Variants in PDZRN3 observed in about 807,000 individuals in gnomAD.
PDZRN3 encodes the protein PDZ domain containing ring finger 3, also known as E3 ubiquitin-protein ligase PDZRN3.
Under a neutral mutation model 85.7 loss-of-function variants are expected in PDZRN3, and 38 were observed. That is an observed-to-expected ratio of 0.44 (90% confidence interval 0.34 to 0.58). The LOEUF (loss-of-function observed/expected upper bound fraction) is 0.58, where lower values mean the gene tolerates loss of function less well. PDZRN3 is among the 20% of genes least tolerant of loss of function. PDZRN3 has a pLI of 0.01. For missense variants in PDZRN3, 1,629 were observed against 1,506.4 expected, an observed-to-expected ratio of 1.08 and a Z score of -1.35; for synonymous variants, 759 against 638.0, an observed-to-expected ratio of 1.19 and a Z score of -2.86.
chr3:73,574,848 C>T (rs537637545), intron 3 of PDZRN3, among the ~76,000 whole-genome samples: 4 of 152,308 alleles, frequency 2.6e-5, no homozygotes, highest in South Asian at 2.1e-4. Flanking sequence ...AGCCCCTTTC[C>T]GTCTCTGGCA....
chr3:73,442,983 C>CT (rs1232430712), intron 3 of PDZRN3, among the ~76,000 whole-genome samples: 1 of 152,184 alleles, frequency 6.6e-6, no homozygotes, highest in African/African-American at 2.4e-5. Flanking sequence ...CCCTCCCTCC[C>CT]TTTCTTCCTC....
At chr3:73,592,542 G>A (rs1254867656) in intron 3 of PDZRN3, among the ~76,000 whole-genome samples, 1 of 152,100 alleles carries the variant, frequency 6.6e-6, no homozygotes, top group Non-Finnish European at 1.5e-5. Context: ...GCCACTCTCA[G>A]GAGAAAAGGG....
intron 3 of PDZRN3, among the ~76,000 whole-genome samples, chr3:73,509,496 A>G (rs914046177): frequency 1.3e-5 from 2 of 152,096 alleles, no homozygotes; most frequent in African/African-American, 2.4e-5. Context: ...ATTGAAAGAG[A>G]TGGTGGCTCA....
At chr3:73,601,164 T>G (rs1702510207) in intron 3 of PDZRN3, among the ~76,000 whole-genome samples, 1 of 152,212 alleles carries the variant, frequency 6.6e-6, no homozygotes, top group Non-Finnish European at 1.5e-5. Context: ...TACTGCACGT[T>G]GCAGAATGTG....
chr3:73,422,535 C>T (rs1702224959), intron 3 of PDZRN3, among the ~76,000 whole-genome samples: 2 of 152,158 alleles, frequency 1.3e-5, no homozygotes, highest in Non-Finnish European at 2.9e-5. Context: ...TGGGTTGGCA[C>T]TTGTTAATTC....
At position 73,559,313 on chromosome 3, in the gene PDZRN3, T is replaced by C. The variant is rs1701767740; in HGVS notation, c.918+43041A>G. On this transcript the variant is annotated intron_variant, in intron 3 of 9. Coordinates refer to ENST00000263666, the MANE Select transcript of PDZRN3 (RefSeq NM_015009.3). ...GGCCCAGCAATGTGTAGAACTTTAT[T>C]TTCTTTTGTTTCTGGTGCCATTTTA... Among the ~76,000 whole-genome samples, 3 of 152,200 alleles carry C rather than the reference T, an allele frequency of 2.0e-5. No individual in the cohort carries two copies. The South Asian group carries it at 6.2e-4, about 32-fold the overall frequency.
intron 3 of PDZRN3, among the ~76,000 whole-genome samples, chr3:73,529,518 T>C (rs1704605198): frequency 6.6e-6 from 1 of 152,232 alleles, no homozygotes; most frequent in South Asian, 2.1e-4. Context: ...TCTGCCTCAC[T>C]GCACTCTAGT....
chr3:73,577,242 G>A (rs1702138933), intron 3 of PDZRN3, among the ~76,000 whole-genome samples: 1 of 152,328 alleles, frequency 6.6e-6, no homozygotes, highest in Non-Finnish European at 1.5e-5. Context: ...CCCAAGGGAT[G>A]AGAAACCCTT....
chr3:73,530,884 A>G (rs1003240391), intron 3 of PDZRN3, among the ~76,000 whole-genome samples: 5 of 152,212 alleles, frequency 3.3e-5, no homozygotes, highest in Admixed American at 3.3e-4. Context: ...CAGATAAGGG[A>G]TAAAGCTCTG....
intron 3 of PDZRN3, among the ~76,000 whole-genome samples, chr3:73,487,174 ATC>A (rs1440875763): frequency 1.3e-5 from 2 of 152,134 alleles, no homozygotes; most frequent in African/African-American, 4.8e-5. Context: ...TAACTTCAAT[ATC>A]TCTAAATTTA....
At chr3:73,534,670 C>T (rs1704734572) in intron 3 of PDZRN3, among the ~76,000 whole-genome samples, 1 of 152,192 alleles carries the variant, frequency 6.6e-6, no homozygotes, top group Non-Finnish European at 1.5e-5. Flanking sequence ...CTCGGCAGTA[C>T]TGCCTTTCTT....
intron 9 of PDZRN3, among the ~76,000 whole-genome samples, chr3:73,385,347 C>G (rs1701350642): frequency 6.6e-6 from 1 of 152,322 alleles, no homozygotes; most frequent in African/African-American, 2.4e-5. Context: ...TCCTGTTAAA[C>G]AGAGGGGATT....
At chr3:73,467,074 T>C (rs1210794327) in intron 3 of PDZRN3, among the ~76,000 whole-genome samples, 1 of 152,188 alleles carries the variant, frequency 6.6e-6, no homozygotes, top group Non-Finnish European at 1.5e-5. Flanking sequence ...TCAGACCCTA[T>C]CTGATGTTCC....
chr3:73,588,531 C>G (rs1335983052), intron 3 of PDZRN3, among the ~76,000 whole-genome samples: 2 of 152,150 alleles, frequency 1.3e-5, no homozygotes, highest in Non-Finnish European at 1.5e-5. Context: ...CCCTCAAAAG[C>G]CCTCCTCAGT....
intron 3 of PDZRN3, among the ~76,000 whole-genome samples, chr3:73,471,578 C>T (rs927388716): frequency 6.6e-6 from 1 of 152,162 alleles, no homozygotes; most frequent in African/African-American, 2.4e-5. Context: ...TGGAGCCGGG[C>T]CATGTCCTCT....
chr3:73,560,834 A>C (rs919851454), intron 3 of PDZRN3, among the ~76,000 whole-genome samples: 9 of 152,222 alleles, frequency 5.9e-5, no homozygotes, highest in African/African-American at 2.2e-4. Flanking sequence ...TAATGCAGAA[A>C]GCCCCCTAGG....
chr3:73,387,555 C>A (rs986029834), intron 8 of PDZRN3, among the ~76,000 whole-genome samples: 9 of 152,182 alleles, frequency 5.9e-5, no homozygotes, highest in Non-Finnish European at 1.3e-4. Flanking sequence ...AATTATTTAT[C>A]ATTCAATGTT....
chr3:73,391,400 G>A (rs2081053657), intron 5 of PDZRN3, among the ~76,000 whole-genome samples: 1 of 152,100 alleles, frequency 6.6e-6, no homozygotes, highest in South Asian at 2.1e-4. Flanking sequence ...AGACTTCTGG[G>A]GCAGGGCTTT....
intron 3 of PDZRN3, among the ~76,000 whole-genome samples, chr3:73,549,431 C>G (rs1430201750): frequency 6.6e-6 from 1 of 152,186 alleles, no homozygotes; most frequent in Non-Finnish European, 1.5e-5. Context: ...AAGTCCAACC[C>G]TGCAAGCCCA....
Sources: gnomAD v4.1 joint callset for allele counts (sites outside exome capture counted in the v4.1 genomes callset) on GRCh38, gnomAD v4.1.1 for gene constraint, MANE v1.5 for transcripts, NCBI Gene and HGNC (gene_info 2026-07-23, HGNC 2026-07-21) for gene names.